Variants in CAMK2D observed in about 807,000 individuals in gnomAD.
CAMK2D encodes the protein calcium/calmodulin dependent protein kinase II delta, also known as calcium/calmodulin-dependent protein kinase type II subunit delta.
Under a neutral mutation model 84.0 loss-of-function variants are expected in CAMK2D, and 37 were observed. The observed-to-expected ratio is 0.44, with a 90% CI of 0.34 to 0.58. The LOEUF (loss-of-function observed/expected upper bound fraction) is 0.58, where lower values mean the gene tolerates loss of function less well. CAMK2D is among the 20% of genes least tolerant of loss of function. The pLI, the probability that CAMK2D is intolerant of heterozygous loss-of-function variation, is 0.02. For synonymous variants in CAMK2D, 202 were observed against 212.5 expected, an observed-to-expected ratio of 0.95 and a Z score of 0.43; for missense variants, 448 against 652.5, an observed-to-expected ratio of 0.69 and a Z score of 3.41.
intron 17 of CAMK2D, among the ~76,000 whole-genome samples, chr4:113,461,793 A>AG (rs1222126114): frequency 6.6e-6 from 1 of 152,148 alleles, no homozygotes; most frequent in Non-Finnish European, 1.5e-5. Context: ...ATTTGGGTGG[A>AG]GGGGGAGCAA....
At chr4:113,550,262 T>A (rs1422838563) in intron 5 of CAMK2D, among the ~76,000 whole-genome samples, 1 of 152,154 alleles carries the variant, frequency 6.6e-6, no homozygotes, top group African/African-American at 2.4e-5. Context: ...AGCCTCCACC[T>A]CCCAGGTTCA....
In CAMK2D at chr4:113,761,727, G is replaced by A. The variant is rs2099641785; in HGVS notation, c.-659C>T. 5.7e-6 allele frequency: 5 copies of A among 884,370 alleles called. No individual in the cohort carries two copies. Among genetic ancestry groups the A allele is most frequent in the African/African-American group, 1.8e-5 (1 of 55,102 alleles). The allele number at this position is 884,370 out of a possible 1,614,324, so 54.8% of individuals were successfully genotyped here. A position where few individuals can be genotyped will look rare whatever the true frequency, so the allele number is the denominator to read the frequency against. ...AGCCCGCGCGGCTTCAAGACGGCGC[G>A]GCGAGAGAAAGAGCGCTCGGCTCAG... On this transcript the variant is annotated 5_prime_UTR_variant, in exon 1 of 21. Coordinates refer to ENST00000511664, the MANE Select transcript of CAMK2D (RefSeq NM_001321571.2).
chr4:113,471,167 C>A (rs138793950), intron 16 of CAMK2D, among the ~76,000 whole-genome samples: 4 of 152,336 alleles, frequency 2.6e-5, no homozygotes, highest in African/African-American at 7.2e-5. Flanking sequence ...AGTCTCCCAG[C>A]TCAAAACCTG....
At chr4:113,721,317 C>A (rs1394262991) in intron 2 of CAMK2D, among the ~76,000 whole-genome samples, 2 of 152,108 alleles carry the variant, frequency 1.3e-5, no homozygotes, top group African/African-American at 4.8e-5. Flanking sequence ...TAAAGCTTTT[C>A]ATAAAAACAT....
At chr4:113,634,669 G>A (rs914471013) in intron 3 of CAMK2D, among the ~76,000 whole-genome samples, 22 of 152,110 alleles carry the variant, frequency 1.4e-4, no homozygotes, top group Non-Finnish European at 7.4e-5. Flanking sequence ...GCACTAGAGC[G>A]TTTTTGTTTC....
In CAMK2D at chr4:113,455,837, C is replaced by T; in HGVS notation, c.1536-16G>A. On this transcript the variant is annotated splice_polypyrimidine_tract_variant and intron_variant, in intron 19 of 20. Transcript: ENST00000511664. The stretch of plus-strand genomic sequence containing the variant: ...ACAGGGTGGCCTATTAAGAGAAGCC[C>T]CATTTAAGCCACCTGGCATAAAATG... 6.9e-7 allele frequency: 1 copy of T among 1,447,826 alleles called. No homozygotes were observed. Among genetic ancestry groups the T allele is most frequent in the Non-Finnish European group, 9.7e-7 (1 of 1,029,094 alleles). The allele number at this position is 1,447,826 out of a possible 1,614,324, so 89.7% of individuals were successfully genotyped here. A position where few individuals can be genotyped will look rare whatever the true frequency, so the allele number is the denominator to read the frequency against.
chr4:113,720,711 GA>G (rs58720804), intron 2 of CAMK2D, among the ~76,000 whole-genome samples: 5 of 150,852 alleles, frequency 3.3e-5, no homozygotes, highest in East Asian at 1.9e-4. Context: ...CATAATCACA[GA>G]AAAAAAAATC....
intron 5 of CAMK2D, among the ~76,000 whole-genome samples, chr4:113,548,906 T>C (rs185044341): frequency 3.3e-5 from 5 of 152,326 alleles, no homozygotes; most frequent in African/African-American, 1.2e-4. Flanking sequence ...TAATTTTGGT[T>C]CTAACAAAAA....
intron 4 of CAMK2D, among the ~76,000 whole-genome samples, chr4:113,599,734 T>C (rs1204026174): frequency 1.3e-5 from 2 of 152,208 alleles, no homozygotes; most frequent in Admixed American, 1.3e-4. Flanking sequence ...TTATATACTG[T>C]ATTCTTAAAA....
chr4:113,475,228 A>C (rs997589957), intron 16 of CAMK2D, among the ~76,000 whole-genome samples: 3 of 152,198 alleles, frequency 2.0e-5, no homozygotes, highest in Non-Finnish European at 4.4e-5. Context: ...TGAGTAAATA[A>C]ACTGGTAAAT....
At chr4:113,513,714 G>A in intron 11 of CAMK2D, 116 bp downstream of exon 11, 1 of 615,322 alleles carries the variant, frequency 1.6e-6, no homozygotes, top group Non-Finnish European at 2.9e-6. Context: ...AAAGAATAAT[G>A]AGAGTATTGA....
At chr4:113,674,898 T>C (rs1161067654) in intron 2 of CAMK2D, among the ~76,000 whole-genome samples, 1 of 151,810 alleles carries the variant, frequency 6.6e-6, no homozygotes, top group Non-Finnish European at 1.5e-5. Flanking sequence ...TTCTACTATT[T>C]GCTCCTTAAA....
intron 3 of CAMK2D, among the ~76,000 whole-genome samples, chr4:113,630,748 C>T (rs1228816129): frequency 5.3e-5 from 8 of 152,182 alleles, no homozygotes. Flanking sequence ...CCTTCTGACA[C>T]TGATGAATCC....
chr4:113,728,233 A>C (rs1273217723), intron 2 of CAMK2D, among the ~76,000 whole-genome samples: 1 of 152,230 alleles, frequency 6.6e-6, no homozygotes, highest in Non-Finnish European at 1.5e-5. Flanking sequence ...TAAAATTGCT[A>C]AGAACTGGAA....
At position 113,509,652 on chromosome 4, in the gene CAMK2D, G is replaced by A. The variant is rs1349725547; in HGVS notation, c.970C>T (p.Pro324Ser). The A allele has an allele frequency of 6.2e-7, 1 of 1,608,658 alleles. No homozygotes were observed. The highest frequency in any genetic ancestry group is 2.2e-5 in the East Asian group (1 of 44,824). ...FSAAKSLLKK[P>S]DGVKINNKAN... ...GTTTAACTTACCTTTACTCCATCTG[G>A]TTTCTTCAACAAACTCTTGGCTGCT... The change falls in exon 13 of 21, where the codon CCA becomes TCA. Residue 324 changes from proline to serine, a missense_variant. This residue lies in a region of CAMK2D where 219 missense variants were observed against 272.1 expected (regional missense o/e 0.80). Transcript: ENST00000511664.
intron 4 of CAMK2D, among the ~76,000 whole-genome samples, chr4:113,571,601 C>A (rs1200305571): frequency 6.6e-6 from 1 of 152,142 alleles, no homozygotes; most frequent in Non-Finnish European, 1.5e-5. Flanking sequence ...CGGCTGGGCG[C>A]GGTGGCTCAC....
At chr4:113,609,698 G>T (rs1207839272) in intron 3 of CAMK2D, among the ~76,000 whole-genome samples, 1 of 152,092 alleles carries the variant, frequency 6.6e-6, no homozygotes. Context: ...CTAGGAAATG[G>T]TTTCCCTGTG....
intron 13 of CAMK2D, chr4:113,508,371 G>T (rs2098161022): frequency 1.2e-6 from 1 of 828,720 alleles, no homozygotes; most frequent in Non-Finnish European, 2.0e-6. Context: ...TTTTAAAGAG[G>T]AGCTATAAGT....
intron 2 of CAMK2D, among the ~76,000 whole-genome samples, chr4:113,691,378 G>T (rs1055634350): frequency 2.0e-5 from 3 of 152,140 alleles, no homozygotes; most frequent in African/African-American, 7.2e-5. Flanking sequence ...ACATGCTAAT[G>T]GAAGGAATAA....
Sources: gnomAD v4.1 joint callset for allele counts (sites outside exome capture counted in the v4.1 genomes callset) on GRCh38, gnomAD v4.1.1 for gene constraint, gnomAD v4.1.1 regional missense constraint, MANE v1.5 for transcripts, NCBI Gene and HGNC (gene_info 2026-07-23, HGNC 2026-07-21) for gene names.